The following DMD variants were observed in gnomAD, a reference collection of about 807,000 sequenced individuals.
The protein encoded by DMD is dystrophin.
In DMD, 63 loss-of-function variants were observed where a neutral mutation model predicts 330.1. The observed-to-expected ratio is 0.19, with a 90% CI of 0.16 to 0.24. The LOEUF (loss-of-function observed/expected upper bound fraction) is 0.24. Ranked by LOEUF, DMD falls within the 10% of genes least tolerant of loss-of-function variation. DMD has a pLI of 1.00. For synonymous variants in DMD, 1,223 were observed against 959.8 expected, an observed-to-expected ratio of 1.27 and a Z score of -5.07; for missense variants, 3,344 against 2,684.1, an observed-to-expected ratio of 1.25 and a Z score of -5.43.
At chrX:32,274,486 C>A (rs1007071731) in intron 43 of DMD, among the ~76,000 whole-genome samples, 1 of 111,811 alleles carries the variant, frequency 8.9e-6, no homozygotes, top group Non-Finnish European at 1.9e-5. Flanking sequence ...CTGGATGAAG[C>A]GGTGATCATA....
At chrX:32,574,204 C>A (rs142165131) in intron 13 of DMD, among the ~76,000 whole-genome samples, 1,137 of 110,347 alleles carry the variant, frequency 0.01, 18 homozygotes, top group African/African-American at 0.035. Flanking sequence ...GAAAATACAC[C>A]CTAAAGAATA....
At chrX:32,069,489 C>G (rs757639733) in intron 44 of DMD, among the ~76,000 whole-genome samples, 1 of 111,408 alleles carries the variant, frequency 9.0e-6, no homozygotes, top group Non-Finnish European at 1.9e-5. Flanking sequence ...GTAACTTTCT[C>G]GAAGCAGCAG....
At chrX:32,281,868 C>T (rs1194758352) in intron 43 of DMD, among the ~76,000 whole-genome samples, 1 of 111,541 alleles carries the variant, frequency 9.0e-6, no homozygotes, top group Non-Finnish European at 1.9e-5. Context: ...AATAAATACT[C>T]TTAGTCTCAT....
intron 60 of DMD, among the ~76,000 whole-genome samples, chrX:31,368,064 G>A (rs765947618): frequency 9.0e-6 from 1 of 111,395 alleles, no homozygotes; most frequent in East Asian, 2.8e-4. Context: ...GTTCTAACTC[G>A]TGCTGTATAG....
intron 2 of DMD, among the ~76,000 whole-genome samples, chrX:32,928,364 TC>T (rs1373900604): frequency 6.7e-4 from 74 of 110,701 alleles, no homozygotes; most frequent in Non-Finnish European, 1.2e-3. Flanking sequence ...CACGCCACAC[TC>T]TGCTTGCTAG....
intron 44 of DMD, among the ~76,000 whole-genome samples, chrX:32,150,837 C>T (rs2096800352): frequency 9.0e-6 from 1 of 111,328 alleles, no homozygotes; most frequent in Non-Finnish European, 1.9e-5. Flanking sequence ...GTAAAGTCAG[C>T]CCCTAGGAAA....
chrX:32,637,764 G>A (rs1311261492), intron 11 of DMD, among the ~76,000 whole-genome samples: 2 of 111,389 alleles, frequency 1.8e-5, no homozygotes, highest in Non-Finnish European at 3.8e-5. Context: ...ATCAGATCTT[G>A]TGAGAACTCA....
chrX:32,605,668 T>C (rs144697472), intron 12 of DMD, among the ~76,000 whole-genome samples: 1,399 of 110,749 alleles, frequency 0.013, 28 homozygotes, highest in African/African-American at 0.042. Context: ...AAAAAACTAA[T>C]ATCTAGAATC....
At chrX:32,698,294 C>G (rs539392733) in intron 8 of DMD, among the ~76,000 whole-genome samples, 1 of 110,871 alleles carries the variant, frequency 9.0e-6, no homozygotes, top group Non-Finnish European at 1.9e-5. Context: ...CTCTTCAATC[C>G]GGCAAAAACA....
At chrX:31,962,062 T>A (rs894071627) in intron 45 of DMD, among the ~76,000 whole-genome samples, 1 of 111,135 alleles carries the variant, frequency 9.0e-6, no homozygotes, top group African/African-American at 3.3e-5. Context: ...CGGGACTGCA[T>A]CCTGGTTCAA....
At chrX:32,184,177 T>C (rs1375925412) in intron 44 of DMD, among the ~76,000 whole-genome samples, 1 of 110,399 alleles carries the variant, frequency 9.1e-6, no homozygotes, top group Non-Finnish European at 1.9e-5. Context: ...GTTTTTTTTC[T>C]GTTACTGTAA....
chrX:31,138,670 AG>A (rs2035615193), intron 76 of DMD, among the ~76,000 whole-genome samples: 1 of 35,981 alleles, frequency 2.8e-5, no homozygotes, highest in Admixed American at 3.0e-4. Flanking sequence ...AGAGAGAGAG[AG>A]AGAGAGAGAG....
At chrX:31,509,270 C>T (rs1163347566) in intron 55 of DMD, among the ~76,000 whole-genome samples, 5 of 111,396 alleles carry the variant, frequency 4.5e-5, no homozygotes, top group African/African-American at 1.6e-4. Flanking sequence ...CTTTTGCCTA[C>T]GTGGAATAAC....
At chrX:31,758,790 A>ATTT (rs947590529) in intron 51 of DMD, among the ~76,000 whole-genome samples, 5 of 112,162 alleles carry the variant, frequency 4.5e-5, no homozygotes, top group Non-Finnish European at 9.4e-5. Flanking sequence ...GATGACTGTT[A>ATTT]TTTTGACTGA....
chrX:31,758,864 T>C (rs1337475618), intron 51 of DMD, among the ~76,000 whole-genome samples: 1 of 112,118 alleles, frequency 8.9e-6, no homozygotes, highest in Admixed American at 9.5e-5. Context: ...AATACAGAGG[T>C]TGGCATAACC....
intron 54 of DMD, among the ~76,000 whole-genome samples, chrX:31,641,345 C>T (rs1569160062): frequency 9.4e-6 from 1 of 106,740 alleles, no homozygotes; most frequent in African/African-American, 3.4e-5. Flanking sequence ...ACTAAAAATA[C>T]AAAAAAAATT....
At chrX:31,161,702 C>A (rs1243232022) in intron 74 of DMD, among the ~76,000 whole-genome samples, 1 of 111,737 alleles carries the variant, frequency 8.9e-6, no homozygotes, top group Admixed American at 9.5e-5. Context: ...AACCTGGCAT[C>A]TTTTAATGGA....
intron 50 of DMD, among the ~76,000 whole-genome samples, chrX:31,810,284 G>A (rs912201615): frequency 9.0e-6 from 1 of 111,242 alleles, no homozygotes; most frequent in Admixed American, 9.6e-5. Flanking sequence ...CCACAGAGAC[G>A]TTAAAAATTT....
Position 33,250,085 on chromosome X carries a change from T to TTATATATATATATATA in DMD, c.7+89158_7+89173dup, listed in dbSNP as rs560212408. Reference sequence around the variant, plus strand: ...AGCCCACATAGTAGTAAACTATTCATTATATATATATATATATATATATAT... The same window carrying TTATATATATATATATA: ...AGCCCACATAGTAGTAAACTATTCATTATATATATATATATATATATATATATATATATATATATAT... On this transcript the variant is annotated intron_variant, in intron 1 of 17. Coordinates refer to the DMD transcript ENST00000288447. 8.1e-3 allele frequency among the ~76,000 whole-genome samples: 613 copies of TTATATATATATATATA among 75,289 alleles called. 18 individuals are homozygous for TTATATATATATATATA. The highest frequency in any genetic ancestry group is 0.031 in the African/African-American group (422 of 13,802). 65.4% of individuals were successfully genotyped at this position (75,289 alleles called of 115,157 possible).
Sources: allele counts gnomAD v4.1 joint callset (sites outside exome capture counted in the v4.1 genomes callset), GRCh38; gene constraint gnomAD v4.1.1; transcripts MANE v1.5; gene names NCBI Gene and HGNC (gene_info 2026-07-23, HGNC 2026-07-21).